The following ACADM variants were observed in gnomAD, a reference collection of about 807,000 sequenced individuals.
ACADM encodes the protein medium-chain specific acyl-CoA dehydrogenase, mitochondrial.
A neutral mutation model predicts 58.9 loss-of-function variants in ACADM; 49 were observed. The observed-to-expected ratio is 0.83, with a 90% CI of 0.66 to 1.06. The LOEUF (loss-of-function observed/expected upper bound fraction) is 1.06. Among genes scored for constraint, ACADM ranks in the 50% least tolerant of loss-of-function variants. The probability of loss-of-function intolerance (pLI) is 0.00; values close to 1 mark genes in which losing one functional copy is unlikely to be tolerated. For missense variants in ACADM, 496 were observed against 507.0 expected (o/e 0.98, Z 0.21); for synonymous variants, 160 against 157.7 (o/e 1.01, Z -0.11).
At chr1:75,753,792 C>CT (rs1648334155) in intron 10 of ACADM, among the ~76,000 whole-genome samples, 1 of 75,426 alleles carries the variant, frequency 1.3e-5, no homozygotes, top group African/African-American at 7.0e-5. Context: ...ATGCTGATAG[C>CT]TTCTTTTTTT....
In ACADM at chr1:75,739,960, C is replaced by T; in HGVS notation, c.469-20C>T. 6.4e-7 allele frequency: 1 copy of T among 1,573,042 alleles called. No homozygotes were observed. Among genetic ancestry groups the T allele is most frequent in the East Asian group, 2.3e-5 (1 of 44,122 alleles). ...ATCACTAACATTTAATTTCATTTCT[C>T]TTGTTTTTATATATTCAAGGCTTAT... is the stretch of plus-strand genomic sequence containing the variant. On this transcript the variant is annotated intron_variant, in intron 6 of 11. Coordinates refer to ENST00000370841, the MANE Select transcript of ACADM (RefSeq NM_000016.6).
intron 1 of ACADM, 52 bp from the exon 2 acceptor site, chr1:75,728,349 C>A (rs768991939): frequency 6.9e-7 from 1 of 1,457,306 alleles, no homozygotes; most frequent in Non-Finnish European, 9.6e-7. Context: ...AGTCTCTTAT[C>A]TGATTAATGT....
At chr1:75,759,721 G>T (rs1274564587) in intron 10 of ACADM, among the ~76,000 whole-genome samples, 3 of 145,838 alleles carry the variant, frequency 2.1e-5, no homozygotes, top group East Asian at 4.1e-4. Flanking sequence ...GAGTGCAATG[G>T]TGTGATCTTG....
In ACADM at chr1:75,732,735, T is replaced by C. The variant is rs778891510; in HGVS notation, c.210T>C (p.Thr70=). The change falls in exon 3 of 12, where the codon ACT becomes ACC. Residue 70 remains threonine (T), a synonymous_variant. Transcript: ENST00000370841. ...IIPVAAEYDK[T]GEYPVPLIRR... ...CAGTGGCTGCAGAATATGATAAAAC[T>C]GGTGAAGTAGGTATATACATTTTAA... 6.2e-7 allele frequency: 1 copy of C among 1,613,432 alleles called. No individual in the cohort carries two copies.
chr1:75,728,817 C>T (rs1215752491), intron 2 of ACADM, among the ~76,000 whole-genome samples: 1 of 152,142 alleles, frequency 6.6e-6, no homozygotes, highest in Non-Finnish European at 1.5e-5. Context: ...GCCACAAATA[C>T]ATTTTAAAAA....
At chr1:75,759,115 C>G (rs755926294) in intron 10 of ACADM, among the ~76,000 whole-genome samples, 26 of 152,166 alleles carry the variant, frequency 1.7e-4, no homozygotes, top group Admixed American at 1.5e-3. Context: ...TCCAGACACA[C>G]CATCTTTAAG....
intron 5 of ACADM, among the ~76,000 whole-genome samples, 156 bp downstream of exon 5, chr1:75,733,784 A>C (rs1239328931): frequency 6.6e-6 from 1 of 152,218 alleles, no homozygotes; most frequent in Non-Finnish European, 1.5e-5. Flanking sequence ...GAGGAACACA[A>C]GATTCAGCAG....
chr1:75,736,173 TACACAC>T (rs10647103), intron 6 of ACADM, among the ~76,000 whole-genome samples: 22 of 144,556 alleles, frequency 1.5e-4, no homozygotes, highest in African/African-American at 2.6e-4. Flanking sequence ...CACACAGACA[TACACAC>T]ACACACACAC....
chr1:75,731,979 C>G lies in ACADM; in HGVS notation c.119-665C>G, dbSNP rs531103636. ...CCCATTTGGGCAACATGGCAAAACC[C>G]TGTATCTACAAAAATTACAAAAATT... On this transcript the variant is annotated intron_variant, in intron 2 of 11. Coordinates refer to ENST00000370841, the MANE Select transcript of ACADM (RefSeq NM_000016.6). 2.2e-3 allele frequency among the ~76,000 whole-genome samples: 339 copies of G among 152,224 alleles called. 3 individuals carry two copies. Among genetic ancestry groups the G allele is most frequent in the African/African-American group, 7.9e-3 (328 of 41,522 alleles).
chr1:75,760,544 C>CAAAAAAAAA (rs59063908), intron 10 of ACADM, among the ~76,000 whole-genome samples: 440 of 35,462 alleles, frequency 0.012, 96 homozygotes, highest in Middle Eastern at 0.038. Flanking sequence ...GACCCTGTCT[C>CAAAAAAAAA]AAAAAAAAAA....
chr1:75,739,221 GA>G (rs1647432635), intron 6 of ACADM, among the ~76,000 whole-genome samples: 2 of 152,104 alleles, frequency 1.3e-5, no homozygotes, highest in Admixed American at 6.6e-5. Context: ...TCTGCCCTGG[GA>G]AACTAGTTTC....
At chr1:75,742,018 A>AT (rs1174551717) in intron 7 of ACADM, among the ~76,000 whole-genome samples, 1 of 152,164 alleles carries the variant, frequency 6.6e-6, no homozygotes, top group African/African-American at 2.4e-5. Context: ...TTATTTATTT[A>AT]TTTTTTTGAG....
chr1:75,762,775 T>A lies in ACADM; in HGVS notation c.*12T>A. The A allele has an allele frequency of 6.6e-7, 1 of 1,514,396 alleles. No homozygotes were observed. Among genetic ancestry groups the A allele is most frequent in the East Asian group, 2.3e-5 (1 of 44,116 alleles). The allele number at this position is 1,514,396 out of a possible 1,614,324, so 93.8% of individuals were successfully genotyped here. A position where few individuals can be genotyped will look rare whatever the true frequency, so the allele number is the denominator to read the frequency against. ...AGTACAAAAATTAAAAAAATTACTG[T>A]AGAAATATTGAATAACTAGAACACA... On this transcript the variant is annotated 3_prime_UTR_variant, in exon 12 of 12. Coordinates refer to ENST00000370841, the MANE Select transcript of ACADM (RefSeq NM_000016.6).
chr1:75,734,362 A>G (rs1055959961), intron 5 of ACADM, among the ~76,000 whole-genome samples: 3 of 147,136 alleles, frequency 2.0e-5, no homozygotes, highest in Non-Finnish European at 3.0e-5. Context: ...TTTTTAGTAG[A>G]GACGGGGTGT....
chr1:75,741,296 A>T (rs1393746034), intron 7 of ACADM, among the ~76,000 whole-genome samples: 1 of 152,230 alleles, frequency 6.6e-6, no homozygotes, highest in South Asian at 2.1e-4. Context: ...TAGATTAAAC[A>T]TATCAGTCAA....
chr1:75,738,213 G>A (rs1647376594), intron 6 of ACADM, among the ~76,000 whole-genome samples: 1 of 144,080 alleles, frequency 6.9e-6, no homozygotes, highest in African/African-American at 2.6e-5. Flanking sequence ...ACCATGCCCA[G>A]CCAAGTATTG....
intron 2 of ACADM, among the ~76,000 whole-genome samples, chr1:75,729,274 C>CT (rs1647105271): frequency 1.2e-5 from 1 of 82,158 alleles, no homozygotes; most frequent in African/African-American, 4.7e-5. Context: ...TTTTTCTTTT[C>CT]TTTTTCTTTC....
chr1:75,734,417 C>T (rs528216480), intron 5 of ACADM, among the ~76,000 whole-genome samples: 32 of 151,620 alleles, frequency 2.1e-4, no homozygotes, highest in Middle Eastern at 3.4e-3. Flanking sequence ...CCTCGTAATC[C>T]GCCCACCTCG....
chr1:75,749,694 A>G, intron 9 of ACADM, 135 bp downstream of exon 9: 1 of 839,000 alleles, frequency 1.2e-6, no homozygotes, highest in Non-Finnish European at 1.8e-6. Context: ...TATAGGAAAA[A>G]TACTGTTACT....
Sources: gnomAD v4.1 joint callset for allele counts (sites outside exome capture counted in the v4.1 genomes callset) on GRCh38, gnomAD v4.1.1 for gene constraint, MANE v1.5 for transcripts, NCBI Gene and HGNC (gene_info 2026-07-23, HGNC 2026-07-21) for gene names.